The following APBB2 variants were observed in gnomAD, a reference collection of about 807,000 sequenced individuals.
The protein encoded by APBB2 is Fe65-like 1.
In APBB2, 38 loss-of-function variants were observed where a neutral mutation model predicts 82.5. The observed-to-expected ratio is 0.46, with a 90% CI of 0.36 to 0.60. The LOEUF is 0.60. APBB2 is among the 20% of genes least tolerant of loss of function. The pLI is 0.00. For missense variants in APBB2, 772 were observed against 972.3 expected, an observed-to-expected ratio of 0.79 and a Z score of 2.74; for synonymous variants, 341 against 368.2, an observed-to-expected ratio of 0.93 and a Z score of 0.85.
intron 2 of APBB2, among the ~76,000 whole-genome samples, chr4:41,142,718 C>T (rs1035736015): frequency 6.6e-6 from 1 of 152,124 alleles, no homozygotes; most frequent in African/African-American, 2.4e-5. Flanking sequence ...TTTGTGCCAA[C>T]GTCCTTCTCT....
At chr4:41,160,038 A>AAGAAGAAG (rs1247891414) in intron 1 of APBB2, among the ~76,000 whole-genome samples, 17 of 123,198 alleles carry the variant, frequency 1.4e-4, no homozygotes, top group Admixed American at 3.9e-4. Context: ...AGAAGAAGAA[A>AAGAAGAAG]ACATCACAGG....
intron 1 of APBB2, among the ~76,000 whole-genome samples, chr4:41,161,859 T>C (rs923285841): frequency 6.6e-6 from 1 of 152,134 alleles, no homozygotes; most frequent in African/African-American, 2.4e-5. Flanking sequence ...TTTTTTCCGC[T>C]TATTATAGAA....
chr4:41,182,278 G>A (rs13109609), intron 1 of APBB2, among the ~76,000 whole-genome samples: 2 of 152,162 alleles, frequency 1.3e-5, no homozygotes, highest in Non-Finnish European at 2.9e-5. Context: ...GATCACCAAT[G>A]ACCTCCATGT....
At chr4:41,035,646 A>AC (rs1718849794) in intron 4 of APBB2, among the ~76,000 whole-genome samples, 1 of 152,244 alleles carries the variant, frequency 6.6e-6, no homozygotes, top group Non-Finnish European at 1.5e-5. Flanking sequence ...AAAAGGCTTG[A>AC]ACAAAAACTA....
chr4:41,091,625 CAG>C (rs1741744228), intron 3 of APBB2, among the ~76,000 whole-genome samples: 2 of 152,286 alleles, frequency 1.3e-5, no homozygotes, highest in East Asian at 1.9e-4. Context: ...CAACACCTTG[CAG>C]AGTTATCTAG....
In APBB2 at chr4:40,813,296, TAAATA is replaced by T. The variant is rs1419652276; in HGVS notation, c.*2791_*2795del. The T allele has an allele frequency of 3.3e-5, 5 of 152,078 alleles. No individual in the cohort carries two copies. The highest frequency in any genetic ancestry group is 1.3e-4 in the Admixed American group (2 of 15,264). The allele number at this position is 152,078 out of a possible 1,614,324, so 9.4% of individuals were successfully genotyped here. A position where few individuals can be genotyped will look rare whatever the true frequency, so the allele number is the denominator to read the frequency against. On this transcript the variant is annotated 3_prime_UTR_variant, in exon 18 of 18. Transcript: ENST00000508593. ...GCAGTATATTTCAGTAAAAATAGAA[TAAATA>T]AAATAAAAATATTTTAAGCTGTATT...
intron 1 of APBB2, among the ~76,000 whole-genome samples, chr4:41,143,521 G>A (rs994550094): frequency 5.3e-5 from 8 of 152,182 alleles, no homozygotes; most frequent in African/African-American, 9.7e-5. Flanking sequence ...GGGACACAGA[G>A]GGCTGGAATC....
At chr4:40,886,931 T>C (rs1457717308) in intron 12 of APBB2, among the ~76,000 whole-genome samples, 2 of 152,148 alleles carry the variant, frequency 1.3e-5, no homozygotes, top group Non-Finnish European at 2.9e-5. Context: ...AACTCAACTA[T>C]GGCCAAGAAA....
At chr4:40,918,703 T>C in intron 10 of APBB2, among the ~76,000 whole-genome samples, 1 of 140,490 alleles carries the variant, frequency 7.1e-6, no homozygotes, top group South Asian at 2.1e-4. Context: ...TTCGGACGAC[T>C]TCCTTCCTTC....
chr4:41,175,192 G>T (rs985692514), intron 1 of APBB2, among the ~76,000 whole-genome samples: 65 of 151,964 alleles, frequency 4.3e-4, no homozygotes, highest in African/African-American at 1.5e-3. Flanking sequence ...CATAGAGTTT[G>T]GTCAAAGTAT....
At chr4:41,090,666 C>A (rs1741364972) in intron 3 of APBB2, among the ~76,000 whole-genome samples, 1 of 152,030 alleles carries the variant, frequency 6.6e-6, no homozygotes, top group South Asian at 2.1e-4. Flanking sequence ...AATTTATGAT[C>A]GAAACCAGGA....
At chr4:41,085,250 CAAAAAAAAAAA>C (rs71198629) in intron 3 of APBB2, among the ~76,000 whole-genome samples, 2 of 66,180 alleles carry the variant, frequency 3.0e-5, no homozygotes, top group Non-Finnish European at 5.7e-5. Context: ...GACTCTGTCT[CAAAAAAAAAAA>C]AAAAAAAAGA....
chr4:40,901,693 A>G (rs537607904), intron 10 of APBB2, among the ~76,000 whole-genome samples: 1 of 152,168 alleles, frequency 6.6e-6, no homozygotes, highest in South Asian at 2.1e-4. Flanking sequence ...TATTTTTAGT[A>G]GAGATGGGGT....
intron 12 of APBB2, among the ~76,000 whole-genome samples, chr4:40,833,737 G>A (rs1752874864): frequency 6.6e-6 from 1 of 152,010 alleles, no homozygotes; most frequent in Non-Finnish European, 1.5e-5. Flanking sequence ...AAGTGAAGGG[G>A]TTGAAAAACA....
intron 2 of APBB2, among the ~76,000 whole-genome samples, chr4:41,103,285 G>A (rs914305597): frequency 1.3e-5 from 2 of 152,076 alleles, no homozygotes; most frequent in East Asian, 1.9e-4. Context: ...TCAAGATGAC[G>A]GTGTTATAAA....
intron 3 of APBB2, among the ~76,000 whole-genome samples, chr4:41,084,378 C>T (rs6853363): frequency 2.2e-3 from 339 of 151,990 alleles, no homozygotes; most frequent in African/African-American, 7.7e-3. Context: ...GAGCAGAGAT[C>T]ACACCATTGC....
At chr4:41,163,955 A>G (rs1225484793) in intron 1 of APBB2, among the ~76,000 whole-genome samples, 2 of 152,376 alleles carry the variant, frequency 1.3e-5, no homozygotes, top group African/African-American at 2.4e-5. Flanking sequence ...AACAAGGAAC[A>G]TAGATGGAAG....
chr4:41,068,658 A>C (rs1437628136), intron 3 of APBB2, among the ~76,000 whole-genome samples: 1 of 152,218 alleles, frequency 6.6e-6, no homozygotes, highest in East Asian at 1.9e-4. Context: ...AGAACTTCAG[A>C]GTATCAAAAA....
At chr4:41,117,417 C>T (rs1435437851) in intron 2 of APBB2, among the ~76,000 whole-genome samples, 3 of 151,550 alleles carry the variant, frequency 2.0e-5, no homozygotes, top group Admixed American at 1.3e-4. Context: ...CTCAGCCTCT[C>T]GAATAGCTGG....
Sources: allele counts gnomAD v4.1 joint callset (sites outside exome capture counted in the v4.1 genomes callset), GRCh38; gene constraint gnomAD v4.1.1; transcripts MANE v1.5; gene names NCBI Gene and HGNC (gene_info 2026-07-23, HGNC 2026-07-21).